The following RLF variants were observed in gnomAD, a reference collection of about 807,000 sequenced individuals.
The protein encoded by RLF is RLF zinc finger.
Under a neutral mutation model 162.9 loss-of-function variants are expected in RLF, and 7 were observed. That is an observed-to-expected ratio of 0.04 (90% CI 0.02 to 0.08). RLF has a LOEUF of 0.08. RLF is among the 10% of genes least tolerant of loss of function. RLF has a pLI of 1.00. For synonymous variants in RLF, 782 were observed against 791.5 expected (o/e 0.99, Z 0.20); for missense variants, 1,664 against 2,244.7 (o/e 0.74, Z 5.23).
Position 40,240,226 on chromosome 1 carries a change from G to A in RLF, c.5524G>A (p.Ala1842Thr), listed in dbSNP as rs756912581. The A allele has an allele frequency of 3.7e-6, 6 of 1,614,016 alleles. No individual in the cohort carries two copies. The East Asian group carries it at 1.3e-4, about 36-fold the overall frequency. The change falls in exon 8 of 8, where the codon GCA becomes ACA. Residue 1842 changes from alanine to threonine, a missense_variant. Physicochemically the swap from Ala to Thr is moderately conservative, Grantham distance 58. Transcript: ENST00000372771. ...CTCTACAATTCATGAGAACCTGACTGCAATCCCACCTTTAATAGTAGCTGA... is the reference window on the plus strand; with the variant it reads ...CTCTACAATTCATGAGAACCTGACTACAATCCCACCTTTAATAGTAGCTGA... ...SDSTIHENLT[A>T]IPPLIVAETT...
At chr1:40,232,032 A>AC (rs1366763534) in intron 7 of RLF, among the ~76,000 whole-genome samples, 1 of 151,850 alleles carries the variant, frequency 6.6e-6, no homozygotes, top group Non-Finnish European at 1.5e-5. Flanking sequence ...ACCTGGTGAA[A>AC]CCCCGTCTCT....
intron 7 of RLF, 83 bp from the exon 8 acceptor site, chr1:40,235,709 C>T: frequency 9.9e-7 from 1 of 1,012,704 alleles, no homozygotes; most frequent in Non-Finnish European, 1.4e-6. Flanking sequence ...AAAGTTTTTA[C>T]AAGCTAAAAT....
Position 40,237,892 on chromosome 1 carries a change from C to T in RLF, c.3190C>T (p.Leu1064=). The T allele has an allele frequency of 6.2e-7, 1 of 1,614,146 alleles. No individual in the cohort carries two copies. Among genetic ancestry groups the T allele is most frequent in the Non-Finnish European group, 8.5e-7 (1 of 1,180,014 alleles). Residue 1064 remains leucine (L), a synonymous_variant, in exon 8 of 8, where the codon CTG becomes TTG. Coordinates refer to ENST00000372771, the MANE Select transcript of RLF (RefSeq NM_012421.4). This position sits in a 1 kb window ranked among gnomAD's most constrained non-coding sequence, Gnocchi z 4.4. ...PCTEDTMLEL[L]LRLKHLSLKN... is the part of the protein sequence containing the mutation. Reference sequence around the variant, plus strand: ...TACAGAGGATACCATGTTGGAACTTCTGTTACGCTTGAAACATTTAAGCTT... The same window carrying T: ...TACAGAGGATACCATGTTGGAACTTTTGTTACGCTTGAAACATTTAAGCTT...
chr1:40,229,773 AC>A (rs1409075043), intron 6 of RLF, among the ~76,000 whole-genome samples: 1 of 151,904 alleles, frequency 6.6e-6, no homozygotes, highest in African/African-American at 2.4e-5. Context: ...CTTTTGAGAC[AC>A]CATATATTCA....
chr1:40,191,023 G>A (rs934236661), intron 3 of RLF, among the ~76,000 whole-genome samples, 170 bp downstream of exon 3: 6 of 152,206 alleles, frequency 3.9e-5, no homozygotes, highest in Non-Finnish European at 8.8e-5. Flanking sequence ...TTAAAAATGG[G>A]TTTTTTAAAT....
At chr1:40,230,534 C>T (rs370323265) in intron 6 of RLF, among the ~76,000 whole-genome samples, 4 of 152,094 alleles carry the variant, frequency 2.6e-5, no homozygotes, top group South Asian at 2.1e-4. Context: ...CAGGTTCAAG[C>T]GATTCTCCTG....
intron 5 of RLF, among the ~76,000 whole-genome samples, chr1:40,203,427 C>T (rs965753689): frequency 1.3e-5 from 2 of 151,654 alleles, no homozygotes; most frequent in East Asian, 2.0e-4. Context: ...CCTGTAATCC[C>T]AGGTACTCAG....
chr1:40,225,729 A>G (rs1643062446), intron 6 of RLF, among the ~76,000 whole-genome samples: 1 of 151,170 alleles, frequency 6.6e-6, no homozygotes, highest in South Asian at 2.1e-4. Flanking sequence ...ACGGAAAATT[A>G]GCCGACCTGG....
Position 40,231,532 on chromosome 1 carries a change from T to C in RLF, c.963T>C (p.Phe321=), listed in dbSNP as rs760454357. The part of the protein sequence containing the change: ...SVYCSWELTL[F]WSKLQRRIDP... ...TTTTTTATAGGGAACTGACTCTTTT[T>C]TGGAGTAAACTGCAAAGAAGAATTG... Residue 321 remains phenylalanine (F), a synonymous_variant, in exon 7 of 8, where the codon TTT becomes TTC. Coordinates refer to ENST00000372771, the MANE Select transcript of RLF (RefSeq NM_012421.4). 4.3e-6 allele frequency: 7 copies of C among 1,613,288 alleles called. No individual in the cohort carries two copies. The highest frequency in any genetic ancestry group is 5.9e-6 in the Non-Finnish European group (7 of 1,179,744).
intron 6 of RLF, among the ~76,000 whole-genome samples, chr1:40,227,092 T>C (rs1211417991): frequency 6.6e-6 from 1 of 152,196 alleles, no homozygotes; most frequent in Non-Finnish European, 1.5e-5. Flanking sequence ...CTCGAGCTCC[T>C]GACCTCAGGT....
intron 6 of RLF, among the ~76,000 whole-genome samples, chr1:40,223,043 C>T (rs1400247704): frequency 6.6e-6 from 1 of 152,046 alleles, no homozygotes; most frequent in Non-Finnish European, 1.5e-5. Flanking sequence ...GGTAGTCACT[C>T]CCCATTCTTA....
rs74068383 is a variant in RLF at position 40,222,213 on chromosome 1, T to C, written c.811-361T>C. 2.2e-3 allele frequency among the ~76,000 whole-genome samples: 337 copies of C among 152,070 alleles called. 1 individual carries two copies. The highest frequency in any genetic ancestry group is 7.8e-3 in the African/African-American group (322 of 41,468). On this transcript the variant is annotated intron_variant, in intron 5 of 7. Coordinates refer to ENST00000372771, the MANE Select transcript of RLF (RefSeq NM_012421.4). ...TGTAACCAGAGTGACCCAGCTGTGG[T>C]CATAGATACTAGGGGAAGACAGGAA... is the stretch of plus-strand genomic sequence containing the variant.
chr1:40,169,590 T>C (rs1351224492), intron 1 of RLF, among the ~76,000 whole-genome samples: 7 of 117,752 alleles, frequency 5.9e-5, no homozygotes, highest in Non-Finnish European at 1.1e-4. Context: ...CAGTCCGCAG[T>C]CCAGCCTGGG....
chr1:40,181,153 G>C (rs1366630808), intron 1 of RLF, among the ~76,000 whole-genome samples: 1 of 152,354 alleles, frequency 6.6e-6, no homozygotes, highest in South Asian at 2.1e-4. Flanking sequence ...TCTTTGGCCA[G>C]CTGCAGTGGC....
chr1:40,222,766 G>C (rs996518147), intron 6 of RLF, 56 bp downstream of exon 6: 18 of 1,463,344 alleles, frequency 1.2e-5, no homozygotes, highest in Non-Finnish European at 1.6e-5. Flanking sequence ...TAGCATTTAG[G>C]GTTTATGTAA....
chr1:40,228,983 G>A (rs1643117664), intron 6 of RLF, among the ~76,000 whole-genome samples: 1 of 151,954 alleles, frequency 6.6e-6, no homozygotes, highest in Admixed American at 6.6e-5. Context: ...TTTTTTGTTT[G>A]GTTGGTTTTA....
At chr1:40,192,602 C>T (rs1642574668) in intron 3 of RLF, among the ~76,000 whole-genome samples, 1 of 151,888 alleles carries the variant, frequency 6.6e-6, no homozygotes, top group African/African-American at 2.4e-5. Flanking sequence ...CCTCTTTTTC[C>T]ACTTGCATAA....
Position 40,161,479 on chromosome 1 carries a change from G to C in RLF, c.80G>C (p.Gly27Ala). The change falls in exon 1 of 8, where the codon GGA (glycine) becomes GCA (alanine). Residue 27 changes from glycine to alanine, a missense_variant. This residue lies in a region of RLF where 134 missense variants were observed against 124.3 expected (regional missense o/e 1.08). Transcript: ENST00000372771. The surrounding 1 kb of genome is among the most constrained non-coding windows in gnomAD (Gnocchi z 4.4). Reference sequence around the variant, plus strand: ...CCGGCGGTAGCGGGAGCCGGAGATGGAGTCGAGACTGAGTCCATGGTTCGG... The same window carrying C: ...CCGGCGGTAGCGGGAGCCGGAGATGCAGTCGAGACTGAGTCCATGGTTCGG... ...EAPAVAGAGD[G>A]VETESMVRGH... 6.3e-7 allele frequency: 1 copy of C among 1,584,494 alleles called. No homozygotes were observed. The highest frequency in any genetic ancestry group is 1.4e-5 in the African/African-American group (1 of 72,824).
rs995816663 is a variant in RLF at position 40,239,045 on chromosome 1, T to G, written c.4343T>G (p.Leu1448Arg). The change falls in exon 8 of 8, where the codon CTT becomes CGT. Residue 1448 changes from leucine (L) to arginine (R), a missense_variant. Physicochemically the swap from Leu to Arg is moderately radical, Grantham distance 102. This residue lies in a region of RLF where 200 missense variants were observed against 207.3 expected (regional missense o/e 0.96). Transcript: ENST00000372771. ...IHSDYEIHCD[L>R]NGCGQIFTHR... ...TCAGATTATGAAATTCATTGTGATC[T>G]TAATGGCTGTGGCCAGATTTTCACC... The G allele has an allele frequency of 1.2e-6, 2 of 1,614,102 alleles. No homozygotes were observed. Among genetic ancestry groups the G allele is most frequent in the Non-Finnish European group, 1.7e-6 (2 of 1,180,030 alleles).
Sources: gnomAD v4.1 joint callset for allele counts (sites outside exome capture counted in the v4.1 genomes callset) on GRCh38, gnomAD v4.1.1 for gene constraint, gnomAD v4.1.1 regional missense constraint, Gnocchi (gnomAD v3.1) non-coding constraint, MANE v1.5 for transcripts, NCBI Gene and HGNC (gene_info 2026-07-23, HGNC 2026-07-21) for gene names.